Variants in IGSF11 observed in about 807,000 individuals in gnomAD.
The protein encoded by IGSF11 is CXADR like 1.
In IGSF11, 22 loss-of-function variants were observed where a neutral mutation model predicts 41.0. The observed-to-expected ratio is 0.54, with a 90% CI of 0.38 to 0.77. IGSF11 has a LOEUF of 0.77. Among genes scored for constraint, IGSF11 ranks in the 30% least tolerant of loss-of-function variants. The probability of loss-of-function intolerance (pLI) is 0.00; values close to 1 mark genes in which losing one functional copy is unlikely to be tolerated. For synonymous variants in IGSF11, 219 were observed against 201.3 expected (o/e 1.09, Z -0.74); for missense variants, 444 against 530.8 (o/e 0.84, Z 1.61).
intron 1 of IGSF11, among the ~76,000 whole-genome samples, chr3:118,953,861 C>T (rs1357357662): frequency 1.3e-5 from 2 of 152,142 alleles, no homozygotes; most frequent in South Asian, 4.1e-4. Flanking sequence ...TGTCAGTTTA[C>T]TCCGCTGATG....
intron 1 of IGSF11, among the ~76,000 whole-genome samples, chr3:119,091,831 GC>G (rs1161182504): frequency 6.6e-6 from 1 of 151,376 alleles, no homozygotes; most frequent in Non-Finnish European, 1.5e-5. Flanking sequence ...CTGCAAATGT[GC>G]CCCCTGTATG....
intron 1 of IGSF11, among the ~76,000 whole-genome samples, chr3:118,938,240 T>C (rs761071426): frequency 6.6e-6 from 1 of 152,218 alleles, no homozygotes; most frequent in Non-Finnish European, 1.5e-5. Flanking sequence ...CCTGACTTCA[T>C]ATCTGGCTAT....
intron 1 of IGSF11, chr3:118,983,250 G>C (rs1007502379): frequency 6.6e-6 from 1 of 152,158 alleles, no homozygotes; most frequent in Non-Finnish European, 1.5e-5. Flanking sequence ...ACTAACCCAA[G>C]AGATAGGTAT....
intron 1 of IGSF11, among the ~76,000 whole-genome samples, chr3:118,939,902 C>G (rs759776251): frequency 2.6e-5 from 4 of 151,900 alleles, no homozygotes; most frequent in Non-Finnish European, 4.4e-5. Flanking sequence ...CAGGGTAAAT[C>G]AATAAAATCA....
intron 1 of IGSF11, among the ~76,000 whole-genome samples, chr3:119,026,490 T>C (rs1406821978): frequency 6.6e-6 from 1 of 152,174 alleles, no homozygotes; most frequent in Non-Finnish European, 1.5e-5. Context: ...AACATGTGCA[T>C]TGATGGTACA....
intron 1 of IGSF11, among the ~76,000 whole-genome samples, chr3:118,958,857 G>A (rs1423173152): frequency 6.6e-6 from 1 of 152,198 alleles, no homozygotes; most frequent in Admixed American, 6.5e-5. Context: ...TATTAAGGGT[G>A]AGTTTTGCCC....
chr3:118,951,865 G>GT (rs906051382), intron 1 of IGSF11, among the ~76,000 whole-genome samples: 4 of 151,986 alleles, frequency 2.6e-5, no homozygotes, highest in East Asian at 1.9e-4. Context: ...TTATCATTGT[G>GT]TTTTTTTAAA....
chr3:118,908,084 G>A (rs1328858480), intron 4 of IGSF11, among the ~76,000 whole-genome samples: 3 of 152,068 alleles, frequency 2.0e-5, no homozygotes, highest in East Asian at 1.9e-4. Flanking sequence ...CCTAAGCTCT[G>A]GAATTCTAAA....
chr3:119,028,447 C>G, intron 1 of IGSF11, among the ~76,000 whole-genome samples: 1 of 152,218 alleles, frequency 6.6e-6, no homozygotes, highest in South Asian at 2.1e-4. Context: ...GTAATTATCT[C>G]TCTTCTTGGG....
intron 1 of IGSF11, among the ~76,000 whole-genome samples, chr3:119,019,956 C>T (rs1399759860): frequency 1.3e-5 from 2 of 152,116 alleles, no homozygotes; most frequent in African/African-American, 4.8e-5. Flanking sequence ...GGAGCTCTCA[C>T]AAATGAGATT....
intron 1 of IGSF11, among the ~76,000 whole-genome samples, chr3:119,055,236 A>C (rs962181484): frequency 6.6e-6 from 1 of 152,232 alleles, no homozygotes; most frequent in Non-Finnish European, 1.5e-5. Context: ...AAAAAACAGA[A>C]CAGAAAAACC....
intron 4 of IGSF11, among the ~76,000 whole-genome samples, chr3:118,920,703 A>C (rs1314851331): frequency 1.3e-5 from 2 of 152,228 alleles, no homozygotes; most frequent in Non-Finnish European, 2.9e-5. Flanking sequence ...GAAAATTGGC[A>C]TAATTATAAG....
intron 1 of IGSF11, among the ~76,000 whole-genome samples, chr3:118,935,503 G>A (rs2107545439): frequency 6.6e-6 from 1 of 151,152 alleles, no homozygotes; most frequent in African/African-American, 2.4e-5. Flanking sequence ...CTGCCCTGAA[G>A]AATTTGCACA....
At chr3:119,014,526 T>C (rs932914704) in intron 1 of IGSF11, among the ~76,000 whole-genome samples, 3 of 152,228 alleles carry the variant, frequency 2.0e-5, no homozygotes, top group Non-Finnish European at 4.4e-5. Flanking sequence ...GAAGAGATGA[T>C]TTTTGACCCT....
chr3:119,110,126 T>C (rs2077121837), upstream of IGSF11, among the ~76,000 whole-genome samples: 1 of 152,144 alleles, frequency 6.6e-6, no homozygotes, highest in Non-Finnish European at 1.5e-5. Context: ...CAGAGCTGAG[T>C]TCAATTCCTG....
At chr3:119,116,299 T>C (rs1213131567) in intron 1 of IGSF11, among the ~76,000 whole-genome samples, 2 of 152,092 alleles carry the variant, frequency 1.3e-5, no homozygotes, top group African/African-American at 4.8e-5. Flanking sequence ...TATTGGTCTT[T>C]TGCTCTTGGA....
At chr3:118,998,974 T>G (rs565000195) in intron 1 of IGSF11, among the ~76,000 whole-genome samples, 131 of 152,168 alleles carry the variant, frequency 8.6e-4, no homozygotes, top group African/African-American at 2.8e-3. Flanking sequence ...TACAATGAAA[T>G]GTTATGAAAA....
chr3:118,943,825 T>C (rs1943899877), intron 1 of IGSF11, among the ~76,000 whole-genome samples: 1 of 152,222 alleles, frequency 6.6e-6, no homozygotes, highest in Non-Finnish European at 1.5e-5. Context: ...AATACAACCA[T>C]GTACTCTCAA....
intron 1 of IGSF11, among the ~76,000 whole-genome samples, chr3:119,088,528 C>T (rs953799402): frequency 2.0e-5 from 3 of 151,830 alleles, no homozygotes; most frequent in East Asian, 3.9e-4. Flanking sequence ...TACAAAAAAA[C>T]AAAAAGAGAG....
Sources: gnomAD v4.1 joint callset for allele counts (sites outside exome capture counted in the v4.1 genomes callset) on GRCh38, gnomAD v4.1.1 for gene constraint, MANE v1.5 for transcripts, NCBI Gene and HGNC (gene_info 2026-07-23, HGNC 2026-07-21) for gene names.